PIP4K2A: variants seen among roughly 807,000 people sequenced by gnomAD.
PIP4K2A encodes phosphatidylinositol-5-phosphate 4-kinase type 2 alpha.
A neutral mutation model predicts 42.9 loss-of-function variants in PIP4K2A; 14 were observed. The ratio of observed to expected loss-of-function variants is 0.33; its 90% CI spans 0.22 to 0.51. The LOEUF (loss-of-function observed/expected upper bound fraction) is 0.51. PIP4K2A is among the 20% of genes least tolerant of loss of function. The pLI is 0.97. For missense variants in PIP4K2A, 434 were observed against 519.8 expected (o/e 0.83, Z 1.61); for synonymous variants, 192 against 192.2 (o/e 1.00, Z 0.01).
chr10:22,583,613 G>A (rs911312452), intron 4 of PIP4K2A, among the ~76,000 whole-genome samples: 5 of 152,224 alleles, frequency 3.3e-5, no homozygotes, highest in South Asian at 2.1e-4. Context: ...TGCTGACAGG[G>A]TCCAGGGCTG....
At chr10:22,700,158 T>C (rs1242067001) in intron 1 of PIP4K2A, among the ~76,000 whole-genome samples, 1 of 152,198 alleles carries the variant, frequency 6.6e-6, no homozygotes, top group Non-Finnish European at 1.5e-5. Flanking sequence ...TTTGGCTTGC[T>C]GCCTTGAGCT....
At chr10:22,700,182 T>C (rs1833688475) in intron 1 of PIP4K2A, among the ~76,000 whole-genome samples, 1 of 152,202 alleles carries the variant, frequency 6.6e-6, no homozygotes, top group Non-Finnish European at 1.5e-5. Flanking sequence ...TTAGTGTACT[T>C]TGCACCTAGC....
At chr10:22,667,200 A>G (rs1183261098) in intron 1 of PIP4K2A, among the ~76,000 whole-genome samples, 1 of 152,232 alleles carries the variant, frequency 6.6e-6, no homozygotes, top group East Asian at 1.9e-4. Flanking sequence ...TGATGCTTAA[A>G]AGAGCAAGAT....
intron 9 of PIP4K2A, among the ~76,000 whole-genome samples, chr10:22,537,532 A>T (rs1835968275): frequency 6.6e-6 from 1 of 151,878 alleles, no homozygotes; most frequent in Non-Finnish European, 1.5e-5. Flanking sequence ...TACCACACAC[A>T]CCGGGGCTGT....
chr10:22,700,337 C>A (rs969081673), intron 1 of PIP4K2A, among the ~76,000 whole-genome samples: 5 of 152,240 alleles, frequency 3.3e-5, no homozygotes, highest in Non-Finnish European at 7.3e-5. Flanking sequence ...GCAAAGACTG[C>A]ACAACGGTGC....
At chr10:22,570,855 T>A (rs952632682) in intron 5 of PIP4K2A, among the ~76,000 whole-genome samples, 1 of 150,572 alleles carries the variant, frequency 6.6e-6, no homozygotes, top group East Asian at 1.9e-4. Context: ...AAAAAAACAA[T>A]GAAAAAAACC....
chr10:22,686,499 T>C (rs1220305168), intron 1 of PIP4K2A, among the ~76,000 whole-genome samples: 1 of 152,174 alleles, frequency 6.6e-6, no homozygotes, highest in African/African-American at 2.4e-5. Flanking sequence ...AATTAAGAGA[T>C]GGGGTTTTAC....
At position 22,536,833 on chromosome 10, in the gene PIP4K2A, CTCACTCACTCATTCAT is replaced by C. The variant is rs796268964; in HGVS notation, c.*352_*367del. The C allele has an allele frequency of 3.0e-4, 49 of 165,892 alleles. No homozygotes were observed. Among genetic ancestry groups the C allele is most frequent in the South Asian group, 1.8e-3 (10 of 5,656 alleles). 10.3% of individuals were successfully genotyped at this position (165,892 alleles called of 1,614,324 possible). ...ACACGTGTGTTCATTCACTCACTCA[CTCACTCACTCATTCAT>C]TCGGCCATAGCTGGAATCAAAGGGT... On this transcript the variant is annotated 3_prime_UTR_variant, in exon 10 of 10. Transcript: ENST00000376573.
At chr10:22,680,502 T>C (rs1041156203) in intron 1 of PIP4K2A, among the ~76,000 whole-genome samples, 2 of 152,232 alleles carry the variant, frequency 1.3e-5, no homozygotes, top group African/African-American at 2.4e-5. Context: ...AGGATTTAAC[T>C]ACATTCTTTA....
intron 7 of PIP4K2A, among the ~76,000 whole-genome samples, chr10:22,549,935 T>C (rs766301057): frequency 4.0e-5 from 6 of 148,292 alleles, no homozygotes; most frequent in Non-Finnish European, 7.4e-5. Flanking sequence ...ACTTAAATAA[T>C]GAGCAAATCC....
chr10:22,664,034 T>TATGTATATATAC (rs1839260076), intron 1 of PIP4K2A, among the ~76,000 whole-genome samples: 1 of 104,570 alleles, frequency 9.6e-6, no homozygotes, highest in Admixed American at 9.8e-5. Context: ...TATATATACA[T>TATGTATATATAC]ATATATATAT....
chr10:22,667,782 C>T (rs1839375973), intron 1 of PIP4K2A, among the ~76,000 whole-genome samples: 1 of 151,752 alleles, frequency 6.6e-6, no homozygotes, highest in African/African-American at 2.4e-5. Context: ...TAAAAGTCCT[C>T]CAAAAAGTTT....
chr10:22,643,884 C>T (rs1330184412), intron 1 of PIP4K2A, among the ~76,000 whole-genome samples: 5 of 152,106 alleles, frequency 3.3e-5, no homozygotes, highest in Admixed American at 6.6e-5. Flanking sequence ...ACGCCTCTGC[C>T]TCTTGGAAGG....
chr10:22,595,555 G>A (rs1416923459), intron 3 of PIP4K2A, among the ~76,000 whole-genome samples: 12 of 152,148 alleles, frequency 7.9e-5, no homozygotes, highest in Admixed American at 5.9e-4. Context: ...CCAGGAGTTC[G>A]AGACCAGCCT....
intron 7 of PIP4K2A, among the ~76,000 whole-genome samples, chr10:22,543,149 A>G (rs1225746810): frequency 6.6e-6 from 1 of 152,218 alleles, no homozygotes; most frequent in Non-Finnish European, 1.5e-5. Context: ...ATTTCTCCTC[A>G]GCCTGCTGGG....
At chr10:22,634,297 T>C (rs571084305) in intron 1 of PIP4K2A, among the ~76,000 whole-genome samples, 1 of 152,232 alleles carries the variant, frequency 6.6e-6, no homozygotes, top group Non-Finnish European at 1.5e-5. Flanking sequence ...CCTTTTGCTA[T>C]AGGAAACTGT....
chr10:22,539,406 T>C (rs962182703), intron 9 of PIP4K2A: 1 of 153,498 alleles, frequency 6.5e-6, no homozygotes, highest in African/African-American at 2.4e-5. Context: ...CGGTGAGTAA[T>C]ATTATGCAAC....
intron 1 of PIP4K2A, among the ~76,000 whole-genome samples, chr10:22,667,872 T>G (rs1027754420): frequency 8.7e-5 from 5 of 57,210 alleles, no homozygotes; most frequent in Admixed American, 6.8e-4. Flanking sequence ...CTTCTGTGTG[T>G]GTGTGTGTGT....
intron 1 of PIP4K2A, among the ~76,000 whole-genome samples, chr10:22,652,758 A>G (rs930879506): frequency 1.1e-4 from 16 of 152,226 alleles, no homozygotes; most frequent in African/African-American, 3.9e-4. Flanking sequence ...TGAATTCCCA[A>G]CTGAAAACGC....
Sources: gnomAD v4.1 joint callset for allele counts (sites outside exome capture counted in the v4.1 genomes callset) on GRCh38, gnomAD v4.1.1 for gene constraint, MANE v1.5 for transcripts, NCBI Gene and HGNC (gene_info 2026-07-23, HGNC 2026-07-21) for gene names.